Variants in GPR89A observed in about 807,000 individuals in gnomAD.
The protein encoded by GPR89A is golgi pH regulator A.
GPR89A carries 16 observed loss-of-function variants against 52.0 expected under a neutral mutation model. The ratio of observed to expected loss-of-function variants is 0.31; its 90% CI spans 0.21 to 0.47. The LOEUF is 0.47. GPR89A is among the 20% of genes least tolerant of loss of function. GPR89A has a pLI of 1.00. For synonymous variants in GPR89A, 55 were observed against 150.9 expected (o/e 0.36, Z 4.66); for missense variants, 135 against 449.4 (o/e 0.30, Z 6.33).
chr1:145,611,457 T>A (rs1189083889), intron 1 of GPR89A: 3 of 152,126 alleles, frequency 2.0e-5, no homozygotes, highest in African/African-American at 7.2e-5. Flanking sequence ...GGTTTTCTGT[T>A]CTTGCATTAA....
At chr1:145,647,829 T>C (rs1293642539) in intron 10 of GPR89A, among the ~76,000 whole-genome samples, 2 of 702 alleles carry the variant, frequency 2.8e-3, no homozygotes, top group Non-Finnish European at 0.02. Flanking sequence ...CGTCGTCGAC[T>C]CTCTCTCTCT....
chr1:145,658,213 T>TC (rs1363096497), intron 10 of GPR89A, among the ~76,000 whole-genome samples: 22 of 152,106 alleles, frequency 1.4e-4, no homozygotes, highest in Non-Finnish European at 2.8e-4. Flanking sequence ...ATATTTTTTT[T>TC]CATAGAGACG....
At chr1:145,614,396 G>C (rs1394615933) in intron 1 of GPR89A, among the ~76,000 whole-genome samples, 1 of 151,930 alleles carries the variant, frequency 6.6e-6, no homozygotes, top group South Asian at 2.1e-4. Context: ...TCACTATATT[G>C]TGAGCTCCTA....
chr1:145,662,251 C>T (rs1400755830), intron 10 of GPR89A, among the ~76,000 whole-genome samples: 3 of 152,074 alleles, frequency 2.0e-5, no homozygotes, highest in Non-Finnish European at 2.9e-5. Context: ...TTTTGCTTTA[C>T]GTATTTTGAA....
chr1:145,670,223 G>T lies in GPR89A; in HGVS notation c.*183G>T, dbSNP rs1365316188. 2.0e-6 allele frequency: 3 copies of T among 1,486,902 alleles called. No homozygotes were observed. The highest frequency in any genetic ancestry group is 2.7e-6 in the Non-Finnish European group (3 of 1,120,234). 92.1% of individuals were successfully genotyped at this position (1,486,902 alleles called of 1,614,324 possible). On this transcript the variant is annotated 3_prime_UTR_variant, in exon 14 of 14. Coordinates refer to ENST00000313835, the MANE Select transcript of GPR89A (RefSeq NM_001097612.2). ...CTATGACCATGAGTAGCATCAGCCA[G>T]AACATGAGAGGGAGAACTAACTCAA...
intron 2 of GPR89A, among the ~76,000 whole-genome samples, chr1:145,617,244 TC>T (rs1347525383): frequency 1.3e-5 from 2 of 152,194 alleles, no homozygotes; most frequent in Non-Finnish European, 2.9e-5. Flanking sequence ...GCAGTATTTC[TC>T]CTACTCGCTT....
intron 7 of GPR89A, among the ~76,000 whole-genome samples, chr1:145,635,684 T>C (rs1382179631): frequency 6.6e-6 from 1 of 152,222 alleles, no homozygotes; most frequent in Non-Finnish European, 1.5e-5. Flanking sequence ...GAAATGAATA[T>C]ATAAAAGTGA....
chr1:145,623,250 T>G, intron 4 of GPR89A, 90 bp downstream of exon 4: 5 of 871,732 alleles, frequency 5.7e-6, no homozygotes, highest in South Asian at 5.7e-5. Flanking sequence ...CTACATTAAC[T>G]TTCAGTATCT....
At chr1:145,649,816 G>A (rs1193867237) in intron 10 of GPR89A, among the ~76,000 whole-genome samples, 1 of 151,276 alleles carries the variant, frequency 6.6e-6, no homozygotes, top group African/African-American at 2.4e-5. Context: ...ACTCTATATG[G>A]CCAGTCTTGC....
intron 10 of GPR89A, 23 bp downstream of exon 10, chr1:145,647,290 T>A: frequency 6.4e-7 from 1 of 1,570,094 alleles, no homozygotes; most frequent in South Asian, 1.2e-5. Flanking sequence ...TTTTTAATTA[T>A]CAGAGTTTAG....
At chr1:145,636,808 G>A (rs1322083283) in intron 7 of GPR89A, among the ~76,000 whole-genome samples, 1 of 152,070 alleles carries the variant, frequency 6.6e-6, no homozygotes, top group South Asian at 2.1e-4. Flanking sequence ...AAGAGCATCA[G>A]GTAACTATTG....
chr1:145,668,008 T>C (rs1213569527), intron 12 of GPR89A, among the ~76,000 whole-genome samples: 2 of 152,238 alleles, frequency 1.3e-5, no homozygotes, highest in Non-Finnish European at 2.9e-5. Context: ...GGTAGTGTGA[T>C]GCCTCCAGCT....
At chr1:145,622,027 A>C in intron 3 of GPR89A, among the ~76,000 whole-genome samples, 1 of 151,204 alleles carries the variant, frequency 6.6e-6, no homozygotes, top group Admixed American at 6.6e-5. Context: ...GGAGTGCCTA[A>C]AAGATTAAAT....
intron 1 of GPR89A, among the ~76,000 whole-genome samples, chr1:145,612,550 T>G (rs1285692415): frequency 1.3e-5 from 2 of 152,196 alleles, no homozygotes; most frequent in Non-Finnish European, 2.9e-5. Context: ...ATTGATTAAC[T>G]TCTCTAAACC....
At chr1:145,657,498 T>C (rs1189695666) in intron 10 of GPR89A, among the ~76,000 whole-genome samples, 2 of 151,840 alleles carry the variant, frequency 1.3e-5, no homozygotes, top group East Asian at 1.9e-4. Context: ...TTGCTGACCT[T>C]AGAGAATGAG....
intron 12 of GPR89A, among the ~76,000 whole-genome samples, chr1:145,666,804 T>C (rs1553696529): frequency 6.6e-6 from 1 of 150,480 alleles, no homozygotes; most frequent in Non-Finnish European, 1.5e-5. Flanking sequence ...ATATGCAGTG[T>C]TTGGCTTTTT....
intron 10 of GPR89A, among the ~76,000 whole-genome samples, chr1:145,648,584 A>G (rs1371139140): frequency 6.7e-6 from 1 of 150,144 alleles, no homozygotes; most frequent in African/African-American, 2.5e-5. Context: ...GGCCCAAGCA[A>G]TTCTCCTGCC....
At position 145,607,991 on chromosome 1, in the gene GPR89A, G is replaced by A; in HGVS notation, c.-143G>A. 1.1e-6 allele frequency: 1 copy of A among 930,302 alleles called. No individual in the cohort carries two copies. The highest frequency in any genetic ancestry group is 1.6e-6 in the Non-Finnish European group (1 of 616,594). The allele number at this position is 930,302 out of a possible 1,614,324, so 57.6% of individuals were successfully genotyped here. ...ACGCTGATTGGCTGACTGGGGCGCAGCTTGATGGCGTCGGGCTGGAGAGCC... is the reference window on the plus strand; with the variant it reads ...ACGCTGATTGGCTGACTGGGGCGCAACTTGATGGCGTCGGGCTGGAGAGCC... On this transcript the variant is annotated 5_prime_UTR_variant, in exon 1 of 14. Transcript: ENST00000313835.
At chr1:145,636,732 G>GA (rs1464501054) in intron 7 of GPR89A, among the ~76,000 whole-genome samples, 3 of 151,884 alleles carry the variant, frequency 2.0e-5, no homozygotes, top group Non-Finnish European at 4.4e-5. Context: ...ATAAAAACTG[G>GA]AAAAAATATT....
Sources: allele counts gnomAD v4.1 joint callset (sites outside exome capture counted in the v4.1 genomes callset), GRCh38; gene constraint gnomAD v4.1.1; transcripts MANE v1.5; gene names NCBI Gene and HGNC (gene_info 2026-07-23, HGNC 2026-07-21).